COL11A1: variants seen among roughly 807,000 people sequenced by gnomAD.
COL11A1 encodes collagen type XI alpha 1 chain, also known as collagen alpha-1(XI) chain.
A neutral mutation model predicts 265.2 loss-of-function variants in COL11A1; 74 were observed. The ratio of observed to expected loss-of-function variants is 0.28; its 90% CI spans 0.23 to 0.34. The LOEUF (loss-of-function observed/expected upper bound fraction) is 0.34, where lower values mean the gene tolerates loss of function less well. Among genes scored for constraint, COL11A1 ranks in the 10% least tolerant of loss-of-function variants. The pLI is 1.00. For synonymous variants in COL11A1, 816 were observed against 727.6 expected, an observed-to-expected ratio of 1.12 and a Z score of -1.96; for missense variants, 2,165 against 2,263.6, an observed-to-expected ratio of 0.96 and a Z score of 0.88.
At chr1:102,996,241 C>T (rs977236255) in intron 26 of COL11A1, among the ~76,000 whole-genome samples, 199 bp from the exon 27 acceptor site, 1 of 151,968 alleles carries the variant, frequency 6.6e-6, no homozygotes, top group Non-Finnish European at 1.5e-5. Flanking sequence ...CTACTCACTC[C>T]AAATTTATTA....
Position 103,000,585 on chromosome 1 carries a change from G to A in COL11A1, c.2142+1340C>T, listed in dbSNP as rs376439803. On this transcript the variant is annotated intron_variant, in intron 24 of 66. Transcript: ENST00000370096. ...ACATTTCACACCAACGAGAATGATC[G>A]TAATCAAGAAGACAGACAATAACAA... 4.0e-5 allele frequency among the ~76,000 whole-genome samples: 6 copies of A among 151,884 alleles called. No homozygotes were observed. In the East Asian group the frequency reaches 7.7e-4, roughly 20 times the overall value.
At chr1:103,080,114 C>T (rs1359781835) in intron 2 of COL11A1, among the ~76,000 whole-genome samples, 1 of 151,690 alleles carries the variant, frequency 6.6e-6, no homozygotes, top group Non-Finnish European at 1.5e-5. Context: ...TCGTATGCAG[C>T]CACTTAATGT....
rs57574729 is a variant in COL11A1 at position 102,878,475 on chromosome 1, C to CATATATATATATATATATATATATAT, written c.5275-336_5275-311dup. 9.0e-4 allele frequency among the ~76,000 whole-genome samples: 45 copies of CATATATATATATATATATATATATAT among 49,850 alleles called. 2 individuals are homozygous for CATATATATATATATATATATATATAT. Among genetic ancestry groups the CATATATATATATATATATATATATAT allele is most frequent in the Middle Eastern group, 0.011 (1 of 92 alleles). 32.7% of individuals were successfully genotyped at this position (49,850 alleles called of 152,430 possible). On this transcript the variant is annotated intron_variant, in intron 66 of 66. Coordinates refer to ENST00000370096, the MANE Select transcript of COL11A1 (RefSeq NM_001854.4). Reference sequence around the variant, plus strand: ...AAAATTGATGTTGGTATTGAATCCTCATATATATATATATATATATATATA... The same window carrying CATATATATATATATATATATATATAT: ...AAAATTGATGTTGGTATTGAATCCTCATATATATATATATATATATATATATATATATATATATATATATATATATA...
At chr1:103,018,717 A>G (rs1469232935) in intron 10 of COL11A1, 101 bp downstream of exon 10, 3 of 944,874 alleles carry the variant, frequency 3.2e-6, no homozygotes, top group Non-Finnish European at 4.9e-6. Context: ...TCTATAATTC[A>G]ATATTCTAAT....
intron 57 of COL11A1, among the ~76,000 whole-genome samples, chr1:102,897,727 G>A (rs868847653): frequency 3.9e-5 from 6 of 152,164 alleles, no homozygotes; most frequent in Non-Finnish European, 7.4e-5. Flanking sequence ...TATGACTCAC[G>A]AAGAGAACAA....
chr1:103,073,424 C>T lies in COL11A1; in HGVS notation c.651+1194G>A, dbSNP rs147338838. ...TAGAAATTATATTAATATTTATTTG[C>T]CTAATGAATAAATAATTGTTTATCA... On this transcript the variant is annotated intron_variant, in intron 4 of 66. Coordinates refer to ENST00000370096, the MANE Select transcript of COL11A1 (RefSeq NM_001854.4). Among the ~76,000 whole-genome samples the T allele has an allele frequency of 4.0e-3, 599 of 151,606 alleles. 5 individuals are homozygous for T. The highest frequency in any genetic ancestry group is 0.014 in the African/African-American group (567 of 41,414).
intron 58 of COL11A1, 50 bp from the exon 59 acceptor site, chr1:102,889,612 T>TGTCCCTTTGAAAGGCAGAGAAAA: frequency 7.6e-7 from 1 of 1,313,734 alleles, no homozygotes; most frequent in Non-Finnish European, 1.1e-6. Flanking sequence ...ACTATCTTCA[T>TGTCCCTTTGAAAGGCAGAGAAAA]AAAATTTTAG....
At chr1:102,990,300 AT>A (rs2101755308) in intron 28 of COL11A1, among the ~76,000 whole-genome samples, 1 of 151,198 alleles carries the variant, frequency 6.6e-6, no homozygotes, top group Admixed American at 6.7e-5. Flanking sequence ...TTTTCCCTTA[AT>A]TTACTAATTT....
intron 38 of COL11A1, among the ~76,000 whole-genome samples, chr1:102,963,166 A>G (rs1393377161): frequency 6.6e-6 from 1 of 152,166 alleles, no homozygotes; most frequent in Non-Finnish European, 1.5e-5. Context: ...ATTGGTAGCC[A>G]CTCAATGAAT....
intron 4 of COL11A1, among the ~76,000 whole-genome samples, chr1:103,069,263 G>C (rs1671386493): frequency 6.6e-6 from 1 of 151,792 alleles, no homozygotes; most frequent in Non-Finnish European, 1.5e-5. Flanking sequence ...CTAATTGGTA[G>C]TCAATTAATT....
At chr1:102,917,462 G>A (rs1655474740) in intron 49 of COL11A1, among the ~76,000 whole-genome samples, 1 of 151,750 alleles carries the variant, frequency 6.6e-6, no homozygotes, top group Admixed American at 6.6e-5. Context: ...CAAAAGCACA[G>A]GCAAAAGAAA....
At chr1:102,898,562 G>T (rs367550211) in intron 56 of COL11A1, 104 bp downstream of exon 56, 4 of 830,472 alleles carry the variant, frequency 4.8e-6, no homozygotes, top group East Asian at 5.6e-5. Context: ...AATTATCCAC[G>T]TTATAACTTA....
intron 5 of COL11A1, among the ~76,000 whole-genome samples, chr1:103,027,104 T>C: frequency 6.6e-6 from 1 of 151,642 alleles, no homozygotes; most frequent in East Asian, 1.9e-4. Flanking sequence ...ATACTTATAA[T>C]AAATTCACAC....
chr1:102,877,868 C>T lies in COL11A1; in HGVS notation c.*151G>A. 1 of 715,152 alleles carries T rather than the reference C, an allele frequency of 1.4e-6. No homozygotes were observed. Among genetic ancestry groups the T allele is most frequent in the Non-Finnish European group, 2.4e-6 (1 of 413,906 alleles). 44.3% of individuals were successfully genotyped at this position (715,152 alleles called of 1,614,324 possible). ...AAAGCTTTTGCCATGTGATTCTGCCCCCACAAAGGCATCGGTATTTCCTAA... is the reference window on the plus strand; with the variant it reads ...AAAGCTTTTGCCATGTGATTCTGCCTCCACAAAGGCATCGGTATTTCCTAA... On this transcript the variant is annotated 3_prime_UTR_variant, in exon 67 of 67. Transcript: ENST00000370096.
Position 102,890,482 on chromosome 1 carries a change from A to G in COL11A1, c.4325T>C (p.Leu1442Pro), listed in dbSNP as rs1339382600. The G allele has an allele frequency of 1.3e-5, 21 of 1,609,304 alleles. No homozygotes were observed. Among genetic ancestry groups the G allele is most frequent in the Non-Finnish European group, 1.8e-5 (21 of 1,177,956 alleles). The change falls in exon 58 of 67, where the codon CTC becomes CCC. Residue 1442 changes from leucine (L) to proline (P), a missense_variant. Coordinates refer to ENST00000370096, the MANE Select transcript of COL11A1 (RefSeq NM_001854.4). ...ACCCTTGGAGCCAGGGTCACCTTTGAGACCAGGTAAGCCAGGAGGTCCCTA... is the reference window on the plus strand; with the variant it reads ...ACCCTTGGAGCCAGGGTCACCTTTGGGACCAGGTAAGCCAGGAGGTCCCTA... Reference protein sequence around the residue: ...GPMGPPGLPGLKGDPGSKGEK... With the variant: ...GPMGPPGLPGPKGDPGSKGEK...
chr1:102,968,452 T>C (rs2615989), intron 37 of COL11A1, among the ~76,000 whole-genome samples: 9,386 of 152,250 alleles, frequency 0.062, 591 homozygotes, highest in African/African-American at 0.16. Flanking sequence ...TAGTTTCTAT[T>C]ATACTGAAAC....
intron 57 of COL11A1, among the ~76,000 whole-genome samples, chr1:102,892,140 A>G (rs1651856624): frequency 6.6e-6 from 1 of 152,186 alleles, no homozygotes; most frequent in Non-Finnish European, 1.5e-5. Context: ...GCACCCAGCA[A>G]CAAAAGCAAA....
At chr1:102,999,015 T>G (rs971647084) in intron 24 of COL11A1, among the ~76,000 whole-genome samples, 3 of 151,534 alleles carry the variant, frequency 2.0e-5, no homozygotes, top group Non-Finnish European at 2.9e-5. Flanking sequence ...GAATCACTAC[T>G]ACAAGAATCA....
At chr1:102,930,551 C>A (rs896568650) in intron 46 of COL11A1, among the ~76,000 whole-genome samples, 4 of 152,052 alleles carry the variant, frequency 2.6e-5, no homozygotes, top group African/African-American at 4.8e-5. Flanking sequence ...GTCTAAAATT[C>A]TCTTTTTTGG....
Sources: gnomAD v4.1 joint callset for allele counts (sites outside exome capture counted in the v4.1 genomes callset) on GRCh38, gnomAD v4.1.1 for gene constraint, MANE v1.5 for transcripts, NCBI Gene and HGNC (gene_info 2026-07-23, HGNC 2026-07-21) for gene names.